The following SYT2 variants were observed in gnomAD, a reference collection of about 807,000 sequenced individuals.
SYT2 encodes the protein synaptotagmin-2.
Under a neutral mutation model 39.9 loss-of-function variants are expected in SYT2, and 15 were observed. The observed-to-expected ratio is 0.38, with a 90% confidence interval of 0.25 to 0.58. The LOEUF is 0.58. Ranked by LOEUF, SYT2 falls within the 20% of genes least tolerant of loss-of-function variation. The pLI is 0.70. For synonymous variants in SYT2, 181 were observed against 204.5 expected, an observed-to-expected ratio of 0.89 and a Z score of 0.98; for missense variants, 389 against 530.3, an observed-to-expected ratio of 0.73 and a Z score of 2.62.
At position 202,661,619 on chromosome 1, in the gene SYT2, CATGCCAG is replaced by C. The variant is rs758481730; in HGVS notation, c.-18+48632_-18+48638del. 4.0e-3 allele frequency among the ~76,000 whole-genome samples: 609 copies of C among 152,294 alleles called. 4 individuals are homozygous for C. Among genetic ancestry groups the C allele is most frequent in the Middle Eastern group, 0.01 (3 of 294 alleles). ...AGCTCAGCCCGTGGCCTCAATTTTT[CATGCCAG>C]TCCTGCATCCATCACTGGCCTGCCA... On this transcript the variant is annotated intron_variant, in intron 1 of 8. Coordinates refer to ENST00000367268, the MANE Select transcript of SYT2 (RefSeq NM_177402.5).
At chr1:202,617,374 AC>A (rs756573406) in intron 1 of SYT2, among the ~76,000 whole-genome samples, 8 of 150,822 alleles carry the variant, frequency 5.3e-5, no homozygotes, top group East Asian at 3.9e-4. Context: ...GCACCCCCCA[AC>A]CCCCACTCCC....
intron 1 of SYT2, among the ~76,000 whole-genome samples, chr1:202,616,225 C>T (rs1170273997): frequency 6.6e-6 from 1 of 152,180 alleles, no homozygotes. Flanking sequence ...ATGTCCCAAC[C>T]TTGGGTCAAA....
intron 1 of SYT2, among the ~76,000 whole-genome samples, chr1:202,640,772 GAGAGAGA>G (rs1691888950): frequency 1.4e-5 from 2 of 147,032 alleles, no homozygotes; most frequent in Non-Finnish European, 3.0e-5. Context: ...GAGAGAGAGA[GAGAGAGA>G]GAGAGAGAGA....
intron 1 of SYT2, among the ~76,000 whole-genome samples, chr1:202,619,128 C>T (rs538149942): frequency 7.9e-5 from 12 of 152,288 alleles, no homozygotes; most frequent in East Asian, 1.9e-4. Context: ...GGAGGAATGG[C>T]GGCGAGAACG....
At chr1:202,611,730 C>G (rs762645863) in intron 1 of SYT2, among the ~76,000 whole-genome samples, 1 of 152,198 alleles carries the variant, frequency 6.6e-6, no homozygotes, top group Non-Finnish European at 1.5e-5. Context: ...TTAGCTGTTT[C>G]TTTTGCTGCC....
chr1:202,602,279 A>G (rs1381281536), intron 5 of SYT2, 99 bp downstream of exon 5: 5 of 1,391,488 alleles, frequency 3.6e-6, no homozygotes, highest in Non-Finnish European at 5.0e-6. Flanking sequence ...CCATTGTTCC[A>G]GGCTGAGCCA....
intron 1 of SYT2, among the ~76,000 whole-genome samples, chr1:202,619,451 A>G (rs139740594): frequency 0.018 from 2,774 of 152,306 alleles, 40 homozygotes; most frequent in Middle Eastern, 0.037. Context: ...GGGAGGCCCC[A>G]ACAAGGGAGA....
chr1:202,658,824 C>T (rs1207399441), intron 1 of SYT2, among the ~76,000 whole-genome samples: 1 of 152,090 alleles, frequency 6.6e-6, no homozygotes, highest in Non-Finnish European at 1.5e-5. Flanking sequence ...CAGTGTGTGG[C>T]CCCCTGAACC....
At chr1:202,675,046 T>G (rs891066485) in intron 1 of SYT2, among the ~76,000 whole-genome samples, 8 of 152,190 alleles carry the variant, frequency 5.3e-5, no homozygotes, top group African/African-American at 1.9e-4. Flanking sequence ...GCCATGGCTT[T>G]CTTGTTTATT....
At chr1:202,619,488 A>AG (rs1489809118) in intron 1 of SYT2, among the ~76,000 whole-genome samples, 1 of 152,158 alleles carries the variant, frequency 6.6e-6, no homozygotes, top group Non-Finnish European at 1.5e-5. Flanking sequence ...GGACTGAGGA[A>AG]GGGTCTCTCA....
At chr1:202,642,218 C>T (rs1691934785) in intron 1 of SYT2, among the ~76,000 whole-genome samples, 1 of 152,090 alleles carries the variant, frequency 6.6e-6, no homozygotes, top group Admixed American at 6.5e-5. Context: ...CTCCCTGGGG[C>T]GCTGCGTTCA....
chr1:202,612,623 T>G (rs566976751), intron 1 of SYT2, among the ~76,000 whole-genome samples: 3 of 152,346 alleles, frequency 2.0e-5, no homozygotes, highest in African/African-American at 7.2e-5. Context: ...TGCCTTGGCT[T>G]CCCAAAGTGC....
intron 1 of SYT2, among the ~76,000 whole-genome samples, chr1:202,611,168 T>C (rs1272907408): frequency 2.0e-5 from 3 of 152,250 alleles, no homozygotes; most frequent in South Asian, 2.1e-4. Flanking sequence ...TTATGGGCCA[T>C]TTGTATATCT....
chr1:202,632,409 ATGAGACTCCGG>A (rs1691619650), intron 1 of SYT2: 1 of 289,962 alleles, frequency 3.4e-6, no homozygotes, highest in Non-Finnish European at 5.2e-6. Flanking sequence ...GGAGCTGGGG[ATGAGACTCCGG>A]CTCATCACAC....
Position 202,599,449 on chromosome 1 carries a change from G to A in SYT2, c.920-98C>T, listed in dbSNP as rs1180658425. The A allele has an allele frequency of 7.3e-7, 1 of 1,368,734 alleles. No individual in the cohort carries two copies. Among genetic ancestry groups the A allele is most frequent in the East Asian group, 2.5e-5 (1 of 39,250 alleles). 84.8% of individuals were successfully genotyped at this position (1,368,734 alleles called of 1,614,324 possible). On this transcript the variant is annotated intron_variant, in intron 7 of 8. Coordinates refer to ENST00000367268, the MANE Select transcript of SYT2 (RefSeq NM_177402.5). This position sits in a 1 kb window ranked among gnomAD's most constrained non-coding sequence, Gnocchi z 4.4. ...CTGCCCAGAGCATCGGTCAAGAGGG[G>A]GTCTTCACTCCGCTGAGACCAGGCC... is the stretch of plus-strand genomic sequence containing the variant.
At chr1:202,598,685 G>A (rs1258610946) in intron 8 of SYT2, among the ~76,000 whole-genome samples, 1 of 152,176 alleles carries the variant, frequency 6.6e-6, no homozygotes, top group Non-Finnish European at 1.5e-5. Context: ...ACTCATACCT[G>A]GAAATGGTGA....
chr1:202,599,088 G>C lies in SYT2; in HGVS notation c.1053+130C>G. ...AGGAGGCCCCACCCAGGCACCATTA[G>C]ACCTCGAGCCTTCCCCTACCAAGAA... On this transcript the variant is annotated intron_variant, in intron 8 of 8. Coordinates refer to ENST00000367268, the MANE Select transcript of SYT2 (RefSeq NM_177402.5). The surrounding 1 kb of genome is among the most constrained non-coding windows in gnomAD (Gnocchi z 4.4). 1 of 1,284,942 alleles carries C rather than the reference G, an allele frequency of 7.8e-7. No homozygotes were observed. The highest frequency in any genetic ancestry group is 1.1e-6 in the Non-Finnish European group (1 of 926,262). 79.6% of individuals were successfully genotyped at this position (1,284,942 alleles called of 1,614,324 possible).
rs1189578355 is a variant in SYT2, at chr1:202,605,831, G to T, written c.-17-42C>A. The T allele has an allele frequency of 1.0e-5, 16 of 1,526,716 alleles. No individual in the cohort carries two copies. The East Asian group carries it at 3.6e-4, about 35-fold the overall frequency. 94.6% of individuals were successfully genotyped at this position (1,526,716 alleles called of 1,614,324 possible). ...AAGAGGGCAGGGTGAGCATCCAGAG[G>T]TCGTCTTACCCTGAGAAAGCCCTGC... On this transcript the variant is annotated intron_variant, in intron 1 of 8. Transcript: ENST00000367268.
At chr1:202,644,368 C>T (rs2149099257) in intron 1 of SYT2, among the ~76,000 whole-genome samples, 1 of 152,316 alleles carries the variant, frequency 6.6e-6, no homozygotes, top group South Asian at 2.1e-4. Flanking sequence ...GCGAGGCTGA[C>T]ACCCACGGTG....
Sources: allele counts gnomAD v4.1 joint callset (sites outside exome capture counted in the v4.1 genomes callset), GRCh38; gene constraint gnomAD v4.1.1; non-coding constraint Gnocchi (gnomAD v3.1); transcripts MANE v1.5; gene names NCBI Gene and HGNC (gene_info 2026-07-23, HGNC 2026-07-21).